The following BBOX1 variants were observed in gnomAD, a reference collection of about 807,000 sequenced individuals.
The protein encoded by BBOX1 is gamma-butyrobetaine hydroxylase 1, also known as gamma-butyrobetaine dioxygenase.
Under a neutral mutation model 41.6 loss-of-function variants are expected in BBOX1, and 35 were observed. The observed-to-expected ratio is 0.84, with a 90% CI of 0.64 to 1.11. The LOEUF is 1.11. Ranked by LOEUF, BBOX1 falls within the 50% of genes most tolerant of loss-of-function variation. BBOX1 has a pLI of 0.00. For missense variants in BBOX1, 458 were observed against 460.6 expected, an observed-to-expected ratio of 0.99 and a Z score of 0.05; for synonymous variants, 163 against 154.7, an observed-to-expected ratio of 1.05 and a Z score of -0.40.
intron 2 of BBOX1, among the ~76,000 whole-genome samples, chr11:27,054,207 G>C (rs11029808): frequency 2.0e-5 from 2 of 99,178 alleles, no homozygotes; most frequent in African/African-American, 9.5e-5. Context: ...GTGTGTGTCT[G>C]TGTGTGTGTG....
chr11:27,066,864 TTTTC>T (rs1176101624), intron 4 of BBOX1, among the ~76,000 whole-genome samples: 1 of 152,092 alleles, frequency 6.6e-6, no homozygotes, highest in Non-Finnish European at 1.5e-5. Context: ...ATCATCTCCT[TTTTC>T]TTTCTTTTTT....
intron 4 of BBOX1, among the ~76,000 whole-genome samples, chr11:27,069,024 T>C (rs1172340148): frequency 6.6e-6 from 1 of 150,666 alleles, no homozygotes; most frequent in Non-Finnish European, 1.5e-5. Context: ...AGATTTGCTC[T>C]TTTTTTTTAG....
chr11:27,108,986 A>T (rs1858961051), intron 5 of BBOX1, among the ~76,000 whole-genome samples: 1 of 152,016 alleles, frequency 6.6e-6, no homozygotes, highest in South Asian at 2.1e-4. Flanking sequence ...GTCAAAATTT[A>T]TTGGTTCCCT....
At chr11:27,071,130 T>G (rs1857432868) in intron 4 of BBOX1, among the ~76,000 whole-genome samples, 1 of 152,008 alleles carries the variant, frequency 6.6e-6, no homozygotes, top group Non-Finnish European at 1.5e-5. Context: ...ATCCCAGCAC[T>G]TTAGGAGGCA....
At chr11:27,102,380 T>C (rs909018740) in intron 5 of BBOX1, among the ~76,000 whole-genome samples, 4 of 152,094 alleles carry the variant, frequency 2.6e-5, no homozygotes, top group Non-Finnish European at 4.4e-5. Context: ...TGAACTATCA[T>C]AAGGCAAACA....
chr11:27,109,027 G>A (rs751929238), intron 5 of BBOX1, among the ~76,000 whole-genome samples: 1 of 152,034 alleles, frequency 6.6e-6, no homozygotes, highest in Non-Finnish European at 1.5e-5. Flanking sequence ...TTCGTTGATG[G>A]TAGGAGATCA....
At chr11:27,071,519 C>T (rs943423031) in intron 4 of BBOX1, among the ~76,000 whole-genome samples, 2 of 151,966 alleles carry the variant, frequency 1.3e-5, no homozygotes, top group Non-Finnish European at 2.9e-5. Context: ...TGGTGGGAGG[C>T]GATTGAATCA....
chr11:27,044,933 A>C (rs1446104568), intron 2 of BBOX1, among the ~76,000 whole-genome samples: 1 of 152,162 alleles, frequency 6.6e-6, no homozygotes, highest in Non-Finnish European at 1.5e-5. Context: ...GTTCCACATG[A>C]ACTTTAAAGT....
At chr11:27,117,597 A>G (rs890147025) in intron 6 of BBOX1, among the ~76,000 whole-genome samples, 2 of 152,032 alleles carry the variant, frequency 1.3e-5, no homozygotes, top group African/African-American at 4.8e-5. Context: ...TAAGGCTTAA[A>G]GAATGAGACT....
intron 7 of BBOX1, among the ~76,000 whole-genome samples, chr11:27,123,556 G>GA (rs999531318): frequency 1.1e-4 from 16 of 150,698 alleles, no homozygotes; most frequent in Admixed American, 4.0e-4. Context: ...CACATAACAA[G>GA]AAAAAAAAAG....
intron 2 of BBOX1, among the ~76,000 whole-genome samples, chr11:27,043,356 C>T (rs1450705629): frequency 1.3e-5 from 2 of 150,016 alleles, no homozygotes; most frequent in Non-Finnish European, 3.0e-5. Context: ...AGCCACCACA[C>T]CCTGTCCTAA....
intron 5 of BBOX1, among the ~76,000 whole-genome samples, chr11:27,097,946 C>A (rs1364652615): frequency 6.6e-6 from 1 of 152,006 alleles, no homozygotes; most frequent in East Asian, 1.9e-4. Flanking sequence ...CCAACTCAGA[C>A]ACATGCCATT....
chr11:27,059,993 T>C (rs1365870478), intron 4 of BBOX1, among the ~76,000 whole-genome samples: 1 of 152,216 alleles, frequency 6.6e-6, no homozygotes, highest in Non-Finnish European at 1.5e-5. Flanking sequence ...GAGTTAAGAC[T>C]TTCAGGGACT....
intron 5 of BBOX1, among the ~76,000 whole-genome samples, chr11:27,111,488 A>T (rs1485304054): frequency 2.6e-5 from 4 of 151,978 alleles, no homozygotes; most frequent in Non-Finnish European, 1.5e-5. Flanking sequence ...TACCCCCAAA[A>T]ATTAAAAGCT....
chr11:27,118,659 C>T (rs558586534), intron 6 of BBOX1, among the ~76,000 whole-genome samples: 35 of 151,628 alleles, frequency 2.3e-4, no homozygotes, highest in Non-Finnish European at 3.5e-4. Context: ...CATGTATTTG[C>T]GTTTTAACCT....
intron 4 of BBOX1, among the ~76,000 whole-genome samples, chr11:27,089,834 A>T (rs185099391): frequency 6.6e-5 from 10 of 152,166 alleles, no homozygotes; most frequent in Admixed American, 3.3e-4. Flanking sequence ...TGTTTTGGCC[A>T]GTAAATTTTT....
At chr11:27,124,940 C>T (rs1445015461) in intron 7 of BBOX1, among the ~76,000 whole-genome samples, 1 of 152,060 alleles carries the variant, frequency 6.6e-6, no homozygotes, top group African/African-American at 2.4e-5. Context: ...AAAATAAAAA[C>T]CTTAGTGCCC....
intron 4 of BBOX1, among the ~76,000 whole-genome samples, chr11:27,088,921 A>G (rs1414539265): frequency 6.6e-6 from 1 of 152,026 alleles, no homozygotes; most frequent in Non-Finnish European, 1.5e-5. Context: ...ATTAGCTATT[A>G]TTATTGATAC....
intron 5 of BBOX1, among the ~76,000 whole-genome samples, chr11:27,106,026 C>T (rs960616521): frequency 4.6e-5 from 7 of 152,126 alleles, no homozygotes; most frequent in East Asian, 1.9e-4. Flanking sequence ...AAATAATTTA[C>T]AGACAAGCAA....
Sources: allele counts gnomAD v4.1 joint callset (sites outside exome capture counted in the v4.1 genomes callset), GRCh38; gene constraint gnomAD v4.1.1; transcripts MANE v1.5; gene names NCBI Gene and HGNC (gene_info 2026-07-23, HGNC 2026-07-21).